The following COP1 variants were observed in gnomAD, a reference collection of about 807,000 sequenced individuals.
The protein encoded by COP1 is E3 ubiquitin-protein ligase COP1.
A neutral mutation model predicts 101.3 loss-of-function variants in COP1; 24 were observed. That is an observed-to-expected ratio of 0.24 (90% confidence interval 0.17 to 0.33). The LOEUF (loss-of-function observed/expected upper bound fraction) is 0.33. COP1 is among the 10% of genes least tolerant of loss of function. The pLI is 1.00. For synonymous variants in COP1, 347 were observed against 341.9 expected (o/e 1.01, Z -0.17); for missense variants, 663 against 906.2 (o/e 0.73, Z 3.45).
rs377521096 is a variant in COP1, at chr1:176,162,175, C to CA, written c.762+693dup. ...AGAGAAGCCATGGTTCTAATCTTCT[C>CA]AAAGTTTGGTGGTTCAACTATTCTT... is the stretch of plus-strand genomic sequence containing the variant. On this transcript the variant is annotated intron_variant, in intron 5 of 19. Coordinates refer to ENST00000367669, the MANE Select transcript of COP1 (RefSeq NM_022457.7). Among the ~76,000 whole-genome samples the CA allele has an allele frequency of 2.6e-3, 396 of 152,278 alleles. 3 individuals are homozygous for CA. Among genetic ancestry groups the CA allele is most frequent in the African/African-American group, 9.1e-3 (378 of 41,562 alleles).
rs145409927 is a variant in COP1, at chr1:176,075,918, G to A, written c.1277+5234C>T. Among the ~76,000 whole-genome samples, 71 of 147,994 alleles carry A rather than the reference G, an allele frequency of 4.8e-4. No individual in the cohort carries two copies. The East Asian group carries it at 0.011, about 22-fold the overall frequency. On this transcript the variant is annotated intron_variant, in intron 11 of 19. Transcript: ENST00000367669. ...CTGAAGAGGCTGAGGCAGGAAAATC[G>A]CTTGAACCTGGGAGGTGGAGGTTGC...
chr1:176,090,693 GA>G (rs1301117918), intron 9 of COP1, among the ~76,000 whole-genome samples: 1 of 152,172 alleles, frequency 6.6e-6, no homozygotes, highest in African/African-American at 2.4e-5. Context: ...AGAGAAATCT[GA>G]AAGAACTGCC....
At chr1:176,007,533 C>T (rs900272163) in intron 15 of COP1, among the ~76,000 whole-genome samples, 1 of 150,542 alleles carries the variant, frequency 6.6e-6, no homozygotes, top group African/African-American at 2.4e-5. Context: ...GTGTGGATGT[C>T]CTTTCTGTTT....
chr1:176,086,623 T>C (rs889376625), intron 9 of COP1, among the ~76,000 whole-genome samples: 4 of 152,076 alleles, frequency 2.6e-5, no homozygotes, highest in African/African-American at 9.7e-5. Context: ...CACAAACAAA[T>C]GGAAGAACAT....
intron 14 of COP1, among the ~76,000 whole-genome samples, chr1:176,036,979 C>G (rs1036263810): frequency 1.3e-5 from 2 of 152,092 alleles, no homozygotes; most frequent in Non-Finnish European, 2.9e-5. Context: ...AAAAATTACA[C>G]TCAAGAAGAG....
intron 14 of COP1, among the ~76,000 whole-genome samples, chr1:176,037,584 C>T (rs191847343): frequency 6.6e-6 from 1 of 151,902 alleles, no homozygotes; most frequent in African/African-American, 2.4e-5. Context: ...CAAGTCAAAT[C>T]TAGAAATACA....
At chr1:175,976,986 T>C (rs1416167447) in intron 18 of COP1, among the ~76,000 whole-genome samples, 1 of 152,130 alleles carries the variant, frequency 6.6e-6, no homozygotes, top group Non-Finnish European at 1.5e-5. Context: ...AAATCAACTA[T>C]TAGTATTTTT....
At chr1:176,090,875 C>A (rs1049732856) in intron 9 of COP1, among the ~76,000 whole-genome samples, 4 of 152,058 alleles carry the variant, frequency 2.6e-5, no homozygotes, top group African/African-American at 7.2e-5. Flanking sequence ...TGAAAACAGA[C>A]ATGAATACAC....
At chr1:176,157,415 T>A (rs76438230) in intron 5 of COP1, among the ~76,000 whole-genome samples, 5,104 of 152,218 alleles carry the variant, frequency 0.034, 117 homozygotes, top group Non-Finnish European at 0.047. Flanking sequence ...AGGGACTAGA[T>A]TTACATTCCT....
intron 10 of COP1, among the ~76,000 whole-genome samples, chr1:176,083,365 A>G (rs1369033256): frequency 6.6e-6 from 1 of 152,206 alleles, no homozygotes; most frequent in East Asian, 1.9e-4. Context: ...ATTTCTGCCC[A>G]TCATATAAGC....
At chr1:176,053,974 C>T (rs986206518) in intron 11 of COP1, among the ~76,000 whole-genome samples, 8 of 152,108 alleles carry the variant, frequency 5.3e-5, no homozygotes, top group African/African-American at 1.9e-4. Context: ...AAACATGCAA[C>T]CATGTTCTCT....
chr1:176,168,457 C>T (rs1052629996), intron 3 of COP1, among the ~76,000 whole-genome samples: 1 of 122,190 alleles, frequency 8.2e-6, no homozygotes, highest in Non-Finnish European at 1.6e-5. Flanking sequence ...AAGAAGGAAG[C>T]GAGGGAGGGA....
chr1:176,188,568 A>G (rs2102095458), intron 1 of COP1, among the ~76,000 whole-genome samples: 1 of 152,202 alleles, frequency 6.6e-6, no homozygotes, highest in Non-Finnish European at 1.5e-5. Flanking sequence ...TTTTTTCAAC[A>G]CCATGTGCTC....
chr1:176,000,852 G>GT (rs1276232319), intron 15 of COP1, among the ~76,000 whole-genome samples: 2 of 151,790 alleles, frequency 1.3e-5, no homozygotes, highest in Non-Finnish European at 1.5e-5. Context: ...TTTTCAGAGT[G>GT]TTTTTTCTGG....
intron 15 of COP1, among the ~76,000 whole-genome samples, chr1:176,026,703 T>C (rs546322788): frequency 3.9e-5 from 6 of 152,158 alleles, no homozygotes; most frequent in Admixed American, 6.5e-5. Flanking sequence ...TGACATGGTT[T>C]AAATTATGCA....
At chr1:176,004,748 T>G (rs1052121737) in intron 15 of COP1, among the ~76,000 whole-genome samples, 15 of 149,150 alleles carry the variant, frequency 1.0e-4, no homozygotes, top group East Asian at 4.1e-4. Context: ...GCGGGATTCG[T>G]TTTGCCAGTA....
intron 9 of COP1, among the ~76,000 whole-genome samples, chr1:176,094,797 T>C (rs1682032647): frequency 1.3e-5 from 2 of 152,026 alleles, no homozygotes; most frequent in South Asian, 4.1e-4. Flanking sequence ...TTATGAAAAA[T>C]CTTTACACAT....
At chr1:176,080,444 C>A (rs1572108097) in intron 11 of COP1, among the ~76,000 whole-genome samples, 1 of 151,884 alleles carries the variant, frequency 6.6e-6, no homozygotes. Context: ...TAACAGAAAA[C>A]AAAAAAATAC....
intron 2 of COP1, among the ~76,000 whole-genome samples, chr1:176,178,618 A>C (rs1004787444): frequency 2.0e-5 from 3 of 152,162 alleles, no homozygotes; most frequent in Non-Finnish European, 4.4e-5. Flanking sequence ...ATGGGAGGCC[A>C]AGGCCGGCAG....
Sources: allele counts gnomAD v4.1 joint callset (sites outside exome capture counted in the v4.1 genomes callset), GRCh38; gene constraint gnomAD v4.1.1; transcripts MANE v1.5; gene names NCBI Gene and HGNC (gene_info 2026-07-23, HGNC 2026-07-21).